MAGI2: variants seen among roughly 807,000 people sequenced by gnomAD.
MAGI2 encodes the protein membrane associated guanylate kinase, WW and PDZ domain containing 2, also known as membrane-associated guanylate kinase, WW and PDZ domain-containing protein 2.
MAGI2 carries 35 observed loss-of-function variants against 133.3 expected under a neutral mutation model. The observed-to-expected ratio is 0.26, with a 90% CI of 0.20 to 0.35. MAGI2 has a LOEUF of 0.35. MAGI2 is among the 10% of genes least tolerant of loss of function. The probability of loss-of-function intolerance (pLI) is 1.00; values close to 1 mark genes in which losing one functional copy is unlikely to be tolerated. For synonymous variants in MAGI2, 729 were observed against 710.6 expected, an observed-to-expected ratio of 1.03 and a Z score of -0.41; for missense variants, 1,636 against 1,863.4, an observed-to-expected ratio of 0.88 and a Z score of 2.25.
At position 78,242,222 on chromosome 7, in the gene MAGI2, T is replaced by G. The variant is rs1791226381; in HGVS notation, c.2047+13721A>C. On this transcript the variant is annotated intron_variant, in intron 10 of 21. Coordinates refer to ENST00000354212, the MANE Select transcript of MAGI2 (RefSeq NM_012301.4). ...TCCTGGGCTGGCTCCTAAAGCCTCTTGCATGACACTTTGCACTTTTGGTCT... is the reference window on the plus strand; with the variant it reads ...TCCTGGGCTGGCTCCTAAAGCCTCTGGCATGACACTTTGCACTTTTGGTCT... Among the ~76,000 whole-genome samples, 3 of 152,184 alleles carry G rather than the reference T, an allele frequency of 2.0e-5. No homozygotes were observed. In the South Asian group the frequency reaches 6.2e-4, roughly 32 times the overall value.
At chr7:79,202,205 GGTGGTTAAAAACCT>G (rs1233176858) in intron 1 of MAGI2, among the ~76,000 whole-genome samples, 4 of 151,832 alleles carry the variant, frequency 2.6e-5, no homozygotes, top group Non-Finnish European at 4.4e-5. Flanking sequence ...CAGTGGGCAG[GGTGGTTAAAAACCT>G]GTTTGCTTCC....
chr7:78,269,135 A>G (rs1377943447), intron 9 of MAGI2, among the ~76,000 whole-genome samples: 2 of 152,214 alleles, frequency 1.3e-5, no homozygotes, highest in Non-Finnish European at 2.9e-5. Flanking sequence ...TAATGGCTGC[A>G]TAGTATTCTA....
At position 78,018,954 on chromosome 7, in the gene MAGI2, C is replaced by T. The variant is rs1271001163; in HGVS notation, c.*361G>A. The T allele has an allele frequency of 1.1e-4, 45 of 396,120 alleles. No homozygotes were observed. Among genetic ancestry groups the T allele is most frequent in the Non-Finnish European group, 4.4e-6 (1 of 224,724 alleles). 24.5% of individuals were successfully genotyped at this position (396,120 alleles called of 1,614,324 possible). A position where few individuals can be genotyped will look rare whatever the true frequency, so the allele number is the denominator to read the frequency against. ...GATTGCTCTTAACTTTGTCCTGTTT[C>T]TTGATATAAAGTTTGGATGACATCC... On this transcript the variant is annotated 3_prime_UTR_variant, in exon 22 of 22. Coordinates refer to ENST00000354212, the MANE Select transcript of MAGI2 (RefSeq NM_012301.4).
intron 1 of MAGI2, among the ~76,000 whole-genome samples, chr7:79,255,089 A>AT (rs1833588112): frequency 6.6e-6 from 1 of 152,030 alleles, no homozygotes; most frequent in African/African-American, 2.4e-5. Context: ...TTCTATTCTA[A>AT]TTTTTTATGC....
At chr7:79,096,351 C>T (rs1199217598) in intron 1 of MAGI2, among the ~76,000 whole-genome samples, 1 of 152,146 alleles carries the variant, frequency 6.6e-6, no homozygotes, top group African/African-American at 2.4e-5. Context: ...ACTACGATGA[C>T]CATTCCTAGC....
chr7:78,535,109 G>A (rs1012292922), intron 3 of MAGI2, among the ~76,000 whole-genome samples: 1 of 152,170 alleles, frequency 6.6e-6, no homozygotes, highest in African/African-American at 2.4e-5. Flanking sequence ...TCCAGCCTGG[G>A]TGACAGAGCG....
chr7:78,489,988 G>C, intron 5 of MAGI2, 148 bp from the exon 6 acceptor site: 1 of 575,818 alleles, frequency 1.7e-6, no homozygotes, highest in East Asian at 2.8e-5. Flanking sequence ...TGAAGGAGGT[G>C]TAAGAGTAAT....
chr7:78,531,003 G>A (rs1248571342), intron 3 of MAGI2, among the ~76,000 whole-genome samples: 3 of 152,146 alleles, frequency 2.0e-5, no homozygotes, highest in East Asian at 1.9e-4. Context: ...CAGTGGAGGT[G>A]TTATCCTGAG....
At chr7:78,550,720 G>C (rs1799261281) in intron 3 of MAGI2, among the ~76,000 whole-genome samples, 2 of 151,418 alleles carry the variant, frequency 1.3e-5, no homozygotes, top group Admixed American at 1.3e-4. Flanking sequence ...GCAAACTCAT[G>C]AGAGAATACT....
intron 2 of MAGI2, among the ~76,000 whole-genome samples, chr7:78,821,013 T>G (rs1455819242): frequency 6.6e-6 from 1 of 152,036 alleles, no homozygotes. Flanking sequence ...TTTACACAAA[T>G]GTGAACATAA....
At chr7:79,168,152 G>A (rs927186929) in intron 1 of MAGI2, among the ~76,000 whole-genome samples, 12 of 151,718 alleles carry the variant, frequency 7.9e-5, no homozygotes, top group African/African-American at 2.9e-4. Flanking sequence ...CTCTGTTCGG[G>A]GCTCTCAGCT....
chr7:78,225,817 A>G (rs957237618), intron 10 of MAGI2, among the ~76,000 whole-genome samples: 2 of 152,238 alleles, frequency 1.3e-5, no homozygotes, highest in African/African-American at 4.8e-5. Context: ...AGTGATTAAA[A>G]TATTTCTAGA....
At chr7:79,273,159 T>C (rs1260445563) in intron 1 of MAGI2, among the ~76,000 whole-genome samples, 1 of 152,102 alleles carries the variant, frequency 6.6e-6, no homozygotes, top group Non-Finnish European at 1.5e-5. Flanking sequence ...CATACCAAGA[T>C]AACAGAGTCT....
chr7:78,707,678 T>C (rs1818791677), intron 2 of MAGI2, among the ~76,000 whole-genome samples: 2 of 152,158 alleles, frequency 1.3e-5, no homozygotes, highest in South Asian at 2.1e-4. Context: ...ATTTGCATTC[T>C]TATATCTCAT....
rs768208473 is a variant in MAGI2, at chr7:78,132,943, G to A, written c.3149C>T (p.Pro1050Leu). The change falls in exon 18 of 22, where the codon CCC (proline) becomes CTC (leucine). Residue 1050 changes from proline to leucine, a missense_variant. Around this residue, in one of 5 missense-constraint regions of MAGI2, gnomAD observed 920 missense variants for 1,093.5 expected, o/e 0.84. Coordinates refer to ENST00000354212, the MANE Select transcript of MAGI2 (RefSeq NM_012301.4). ...AQPSPATPNS[P>L]IAQPAPPQPL... is the part of the protein sequence containing the mutation. Reference sequence around the variant, plus strand: ...TTGAGGTGGTGCTGGCTGGGCGATGGGGCTGTTGGGGGTGGCTGGGCTTGG... The same window carrying A: ...TTGAGGTGGTGCTGGCTGGGCGATGAGGCTGTTGGGGGTGGCTGGGCTTGG... 6.2e-7 allele frequency: 1 copy of A among 1,613,898 alleles called. No individual in the cohort carries two copies. Among genetic ancestry groups the A allele is most frequent in the South Asian group, 1.1e-5 (1 of 91,052 alleles).
At chr7:78,073,619 TG>T (rs1252843229) in intron 21 of MAGI2, among the ~76,000 whole-genome samples, 1 of 152,224 alleles carries the variant, frequency 6.6e-6, no homozygotes, top group African/African-American at 2.4e-5. Context: ...CTGCTTATGT[TG>T]GGAATTTTTT....
chr7:78,536,625 TG>T (rs1476007557), intron 3 of MAGI2, among the ~76,000 whole-genome samples: 26 of 152,146 alleles, frequency 1.7e-4, no homozygotes, highest in African/African-American at 6.3e-4. Flanking sequence ...CTTGAAGAAC[TG>T]GAAGACTTTT....
At chr7:78,489,401 C>T (rs982515567) in intron 6 of MAGI2, among the ~76,000 whole-genome samples, 1 of 151,952 alleles carries the variant, frequency 6.6e-6, no homozygotes, top group Non-Finnish European at 1.5e-5. Context: ...ATTATAGTGC[C>T]ACAAACTGTT....
intron 1 of MAGI2, among the ~76,000 whole-genome samples, chr7:79,225,927 T>C (rs960625938): frequency 6.6e-6 from 1 of 152,164 alleles, no homozygotes; most frequent in Non-Finnish European, 1.5e-5. Context: ...GAGATAATTA[T>C]ATCCCAACAG....
Sources: allele counts gnomAD v4.1 joint callset (sites outside exome capture counted in the v4.1 genomes callset), GRCh38; gene constraint gnomAD v4.1.1; regional missense constraint gnomAD v4.1.1; transcripts MANE v1.5; gene names NCBI Gene and HGNC (gene_info 2026-07-23, HGNC 2026-07-21).